The following SYNE1 variants were observed in gnomAD, a reference collection of about 807,000 sequenced individuals.
SYNE1 encodes nesprin-1.
A neutral mutation model predicts 1,111.0 loss-of-function variants in SYNE1; 616 were observed. The ratio of observed to expected loss-of-function variants is 0.55; its 90% CI spans 0.52 to 0.59. SYNE1 has a LOEUF of 0.59. Ranked by LOEUF, SYNE1 falls within the 20% of genes least tolerant of loss-of-function variation. SYNE1 has a pLI of 0.00. For synonymous variants in SYNE1, 3,855 were observed against 3,825.8 expected, an observed-to-expected ratio of 1.01 and a Z score of -0.28; for missense variants, 10,006 against 10,417.0, an observed-to-expected ratio of 0.96 and a Z score of 1.72.
intron 53 of SYNE1, among the ~76,000 whole-genome samples, chr6:152,388,361 C>T (rs757865449): frequency 6.6e-5 from 10 of 152,256 alleles, no homozygotes; most frequent in Admixed American, 1.3e-4. Context: ...GATCCTCCCA[C>T]CTCAGCCTCC....
intron 81 of SYNE1, 41 bp downstream of exon 81, chr6:152,325,043 A>C (rs997561779): frequency 6.2e-7 from 1 of 1,602,252 alleles, no homozygotes; most frequent in Non-Finnish European, 8.5e-7. Context: ...CATTATAATT[A>C]GTGAGGAAAG....
chr6:152,194,614 C>A (rs550524423), intron 127 of SYNE1, among the ~76,000 whole-genome samples: 1 of 152,266 alleles, frequency 6.6e-6, no homozygotes, highest in East Asian at 1.9e-4. Context: ...CTCTTTCTAC[C>A]TCCTTTTGAA....
intron 74 of SYNE1, among the ~76,000 whole-genome samples, chr6:152,342,943 T>C (rs1372276252): frequency 6.6e-6 from 1 of 152,216 alleles, no homozygotes; most frequent in Non-Finnish European, 1.5e-5. Flanking sequence ...AGTATTACTT[T>C]TCTGTTTATA....
intron 74 of SYNE1, among the ~76,000 whole-genome samples, chr6:152,343,046 A>G (rs1036027335): frequency 1.3e-5 from 2 of 152,148 alleles, no homozygotes; most frequent in Middle Eastern, 3.2e-3. Flanking sequence ...GTAGGAAACT[A>G]TCTCGAAGGC....
rs1439725907 is a variant in SYNE1 at position 152,131,139 on chromosome 6, C to T, written c.26095-361G>A. On this transcript the variant is annotated intron_variant, in intron 144 of 145. Transcript: ENST00000367255. ...AGACACTTAATATATTTTTTTTCAT[C>T]TTTTAGAATAGTAAAACAGTGTTAA... Among the ~76,000 whole-genome samples the T allele has an allele frequency of 2.6e-5, 4 of 151,696 alleles. No individual in the cohort carries two copies. In the East Asian group the frequency reaches 7.7e-4, roughly 29 times the overall value.
chr6:152,253,019 TCGG>T (rs1562521078), intron 104 of SYNE1, among the ~76,000 whole-genome samples: 97 of 152,250 alleles, frequency 6.4e-4, no homozygotes, highest in African/African-American at 2.2e-3. Flanking sequence ...GCTGAGGCAC[TCGG>T]GGATTCTGAC....
At chr6:152,309,251 G>A (rs547723375) in intron 90 of SYNE1, among the ~76,000 whole-genome samples, 1 of 152,316 alleles carries the variant, frequency 6.6e-6, no homozygotes, top group East Asian at 1.9e-4. Flanking sequence ...GGAAAGGGTA[G>A]TTGACCAAAT....
intron 77 of SYNE1, 79 bp from the exon 78 acceptor site, chr6:152,331,969 C>T (rs2096257555): frequency 6.3e-7 from 1 of 1,584,100 alleles, no homozygotes; most frequent in Admixed American, 1.7e-5. Flanking sequence ...CTAAATTACA[C>T]TTCACCATTT....
At chr6:152,211,444 T>C (rs1280436716) in intron 124 of SYNE1, 50 bp downstream of exon 124, 5 of 1,507,704 alleles carry the variant, frequency 3.3e-6, no homozygotes, top group African/African-American at 2.7e-5. Flanking sequence ...AAAAAGAAAA[T>C]GACTAATTTA....
chr6:152,135,405 T>C (rs1039907656), intron 141 of SYNE1, among the ~76,000 whole-genome samples, 173 bp from the exon 142 acceptor site: 1 of 152,214 alleles, frequency 6.6e-6, no homozygotes, highest in African/African-American at 2.4e-5. Context: ...TGAGTTCACG[T>C]TCTTACCAAA....
intron 3 of SYNE1, among the ~76,000 whole-genome samples, chr6:152,564,235 C>A (rs1744366): frequency 0.76 from 115,653 of 152,068 alleles, 44,090 homozygotes; most frequent in East Asian, 0.82. Context: ...TATTAAAACA[C>A]CACCACAAAC....
At chr6:152,480,716 G>C (rs1274303458) in intron 14 of SYNE1, 1 of 455,780 alleles carries the variant, frequency 2.2e-6, no homozygotes, top group Admixed American at 2.4e-5. Context: ...TATTCACCTT[G>C]AACCTGGCCT....
At chr6:152,218,596 T>A (rs1484245587) in intron 120 of SYNE1, among the ~76,000 whole-genome samples, 193 bp from the exon 121 acceptor site, 1 of 152,228 alleles carries the variant, frequency 6.6e-6, no homozygotes, top group African/African-American at 2.4e-5. Context: ...TTCTAAAAAC[T>A]ATAATTATTT....
intron 131 of SYNE1, among the ~76,000 whole-genome samples, chr6:152,159,757 G>C (rs76938294): frequency 1.3e-5 from 2 of 151,988 alleles, no homozygotes; most frequent in Non-Finnish European, 2.9e-5. Flanking sequence ...GGGGTGAGCC[G>C]CCACATTCAA....
chr6:152,124,033 A>C (rs6904980), intron 145 of SYNE1, among the ~76,000 whole-genome samples: 11,583 of 152,260 alleles, frequency 0.076, 656 homozygotes, highest in African/African-American at 0.16. Flanking sequence ...TCAAAGAAAA[A>C]TGGGAGAGGG....
chr6:152,497,109 A>G (rs1205709508), intron 11 of SYNE1, among the ~76,000 whole-genome samples: 2 of 152,166 alleles, frequency 1.3e-5, no homozygotes, highest in Non-Finnish European at 2.9e-5. Context: ...TGGGTGATTA[A>G]AAAGCTTTAT....
chr6:152,561,594 C>A (rs1259209058), intron 3 of SYNE1, among the ~76,000 whole-genome samples: 2 of 151,982 alleles, frequency 1.3e-5, no homozygotes, highest in Admixed American at 6.6e-5. Context: ...TTGTATGGAA[C>A]CATCAAAGAC....
At chr6:152,637,067 C>A (rs914084607) in intron 1 of SYNE1, 122 bp downstream of exon 1, 1 of 152,370 alleles carries the variant, frequency 6.6e-6, no homozygotes, top group East Asian at 1.9e-4. Context: ...GGTCCCTGCA[C>A]CGCCCTGGCC....
At chr6:152,379,577 T>C (rs142224566) in intron 56 of SYNE1, among the ~76,000 whole-genome samples, 43 of 152,300 alleles carry the variant, frequency 2.8e-4, no homozygotes, top group Non-Finnish European at 5.0e-4. Flanking sequence ...TACATATTCA[T>C]TGTGATAGAA....
Sources: allele counts gnomAD v4.1 joint callset (sites outside exome capture counted in the v4.1 genomes callset), GRCh38; gene constraint gnomAD v4.1.1; transcripts MANE v1.5; gene names NCBI Gene and HGNC (gene_info 2026-07-23, HGNC 2026-07-21).